The following DDX5 variants were observed in gnomAD, a reference collection of about 807,000 sequenced individuals.
DDX5 encodes DEAD-box helicase 5.
DDX5 carries 6 observed loss-of-function variants against 68.6 expected under a neutral mutation model. The ratio of observed to expected loss-of-function variants is 0.09; its 90% CI spans 0.05 to 0.17. The LOEUF (loss-of-function observed/expected upper bound fraction) is 0.17. DDX5 is among the 10% of genes least tolerant of loss of function. The probability of loss-of-function intolerance (pLI) is 1.00; values close to 1 mark genes in which losing one functional copy is unlikely to be tolerated. For missense variants in DDX5, 499 were observed against 756.1 expected (o/e 0.66, Z 3.99); for synonymous variants, 350 against 247.0 (o/e 1.42, Z -3.91).
rs782488375 is a variant in DDX5 at position 64,502,562 on chromosome 17, G to A, written c.984-13C>T. The A allele has an allele frequency of 1.3e-5, 20 of 1,573,358 alleles. No individual in the cohort carries two copies. Among genetic ancestry groups the A allele is most frequent in the Non-Finnish European group, 1.7e-5 (20 of 1,146,316 alleles). On this transcript the variant is annotated splice_polypyrimidine_tract_variant and intron_variant, in intron 8 of 12. Transcript: ENST00000225792. ...TAGACGAATAAGTCTAATAATAGGA[G>A]AGAGAAAGGAAAAATCCTGAGTTTT...
intron 1 of DDX5, chr17:64,505,871 A>G: frequency 6.5e-7 from 1 of 1,535,964 alleles, no homozygotes; most frequent in South Asian, 1.2e-5. Context: ...CCCACACAAA[A>G]AGCAAGCTTG....
intron 1 of DDX5, 187 bp downstream of exon 1, chr17:64,505,889 T>C (rs2144286269): frequency 6.5e-7 from 1 of 1,535,654 alleles, no homozygotes; most frequent in South Asian, 1.2e-5. Context: ...TTGAAGACAC[T>C]ACACCGTCAA....
chr17:64,505,775 G>A (rs924018094), intron 1 of DDX5: 2 of 1,536,152 alleles, frequency 1.3e-6, no homozygotes, highest in Non-Finnish European at 1.7e-6. Context: ...CTGCCTCGAA[G>A]CGTCCCGCTT....
chr17:64,499,280 A>C lies in DDX5; in HGVS notation c.*643T>G, dbSNP rs1555670447. 6.6e-6 allele frequency among the ~76,000 whole-genome samples: 1 copy of C among 152,176 alleles called. No individual in the cohort carries two copies. The highest frequency in any genetic ancestry group is 1.5e-5 in the Non-Finnish European group (1 of 68,032). ...CCCACGTTCTCACACTATATAGATGACTTTGTATCTATTTTACTATTTTCT... is the reference window on the plus strand; with the variant it reads ...CCCACGTTCTCACACTATATAGATGCCTTTGTATCTATTTTACTATTTTCT... On this transcript the variant is annotated 3_prime_UTR_variant, in exon 13 of 13. Coordinates refer to ENST00000225792, the MANE Select transcript of DDX5 (RefSeq NM_004396.5).
upstream of DDX5, chr17:64,506,858 A>AGAAT: frequency 1.6e-6 from 1 of 617,904 alleles, no homozygotes; most frequent in Non-Finnish European, 2.9e-6. Flanking sequence ...TGGTCGGCGG[A>AGAAT]GAATGGTCTC....
At position 64,500,456 on chromosome 17, in the gene DDX5, C is replaced by G. The variant is rs1000057115; in HGVS notation, c.1441+93G>C. 3 of 1,510,434 alleles carry G rather than the reference C, an allele frequency of 2.0e-6. No homozygotes were observed. In the Admixed American group the frequency reaches 6.0e-5, roughly 30 times the overall value. 93.6% of individuals were successfully genotyped at this position (1,510,434 alleles called of 1,614,324 possible). ...ATTTTTCAGCTTAAGTTTTCACATT[C>G]AAGGTTTTACTCACCCTCCAATACC... On this transcript the variant is annotated intron_variant, in intron 12 of 12. Coordinates refer to ENST00000225792, the MANE Select transcript of DDX5 (RefSeq NM_004396.5).
At chr17:64,506,768 C>T (rs1197050967), upstream of DDX5, 7 of 516,100 alleles carry the variant, frequency 1.4e-5, no homozygotes, top group East Asian at 3.5e-5. Flanking sequence ...AAGTGCGCTG[C>T]TCGCACCCCG....
intron 5 of DDX5, 113 bp from the exon 6 acceptor site, chr17:64,503,684 C>T: frequency 6.5e-7 from 1 of 1,527,744 alleles, no homozygotes; most frequent in Non-Finnish European, 8.9e-7. Flanking sequence ...AAAACAGCTC[C>T]AGCTGAATAG....
chr17:64,504,479 T>C, intron 2 of DDX5, 161 bp from the exon 3 acceptor site: 8 of 918,692 alleles, frequency 8.7e-6, no homozygotes, highest in Non-Finnish European at 1.1e-5. Context: ...AAAAAAAATT[T>C]ATTGTTATAC....
intron 11 of DDX5, chr17:64,501,720 G>A: frequency 2.2e-6 from 1 of 459,258 alleles, no homozygotes; most frequent in East Asian, 3.7e-5. Flanking sequence ...TTTTCCCTCG[G>A]AGAGAACAGT....
intron 1 of DDX5, 36 bp downstream of exon 1, chr17:64,506,040 A>AAACC: frequency 2.8e-6 from 1 of 353,542 alleles, no homozygotes; most frequent in Non-Finnish European, 4.4e-6. Context: ...CCATCCCCCC[A>AAACC]CCCGCCAGGC....
At chr17:64,505,978 G>A (rs965617211) in intron 1 of DDX5, 98 bp downstream of exon 1, 29 of 1,541,652 alleles carry the variant, frequency 1.9e-5, no homozygotes, top group South Asian at 1.1e-4. Flanking sequence ...AGCCCGGAAA[G>A]GCCAAGTCCA....
chr17:64,505,136 G>A (rs1250651809), intron 1 of DDX5: 1 of 327,488 alleles, frequency 3.1e-6, no homozygotes, highest in East Asian at 5.3e-5. Context: ...TTGGGATTCT[G>A]GCACACACCA....
rs2038503798 is a variant in DDX5 at position 64,506,095 on chromosome 17, C to G, written c.25G>C (p.Asp9His). The change falls in exon 1 of 13, where the codon GAC (aspartate) becomes CAC (histidine). Residue 9 changes from aspartate to histidine, a missense_variant. Physicochemically the swap from Asp to His is moderately conservative, Grantham distance 81. This residue lies in a region of DDX5 where 140 missense variants were observed against 135.7 expected (regional missense o/e 1.03). Coordinates refer to ENST00000225792, the MANE Select transcript of DDX5 (RefSeq NM_004396.5). The stretch of plus-strand genomic sequence containing the variant: ...ACTCACCCTCGGTCCCGGCCGCGGT[C>G]TCGGTCACTCGAATAACCCGACATG... MSGYSSDR[D>H]RGRDRGFGAP... is the part of the protein sequence containing the mutation. The G allele has an allele frequency of 1.3e-6, 2 of 1,498,198 alleles. No individual in the cohort carries two copies. Among genetic ancestry groups the G allele is most frequent in the South Asian group, 1.1e-5 (1 of 88,710 alleles). 92.8% of individuals were successfully genotyped at this position (1,498,198 alleles called of 1,614,324 possible).
At chr17:64,505,752 G>A (rs782616487) in intron 1 of DDX5, 4 of 1,536,052 alleles carry the variant, frequency 2.6e-6, no homozygotes, top group South Asian at 2.4e-5. Flanking sequence ...GCACCTAACA[G>A]ATGTTCCTTC....
upstream of DDX5, chr17:64,506,705 A>T: frequency 2.5e-6 from 1 of 396,892 alleles, no homozygotes; most frequent in Non-Finnish European, 4.6e-6. Context: ...AGCGGTCCGC[A>T]CTACTTTCCC....
At chr17:64,502,306 TCTTTA>T (rs1555671243) in intron 9 of DDX5, 83 bp from the exon 10 acceptor site, 2 of 1,508,706 alleles carry the variant, frequency 1.3e-6, no homozygotes, top group African/African-American at 1.4e-5. Flanking sequence ...GTCACAGATC[TCTTTA>T]ATTTCGCCAG....
rs373205244 is a variant in DDX5 at position 64,499,973 on chromosome 17, C to T, written c.1795G>A (p.Ala599Thr). Residue 599 changes from alanine to threonine, a missense_variant, in exon 13 of 13, where the codon GCA (alanine) becomes ACA (threonine). Ala to Thr is a moderately conservative substitution (Grantham distance 58). Around this residue, in one of 5 missense-constraint regions of DDX5, gnomAD observed 171 missense variants for 174.8 expected, o/e 0.98. Coordinates refer to ENST00000225792, the MANE Select transcript of DDX5 (RefSeq NM_004396.5). ...GGATAACCAATCATAGGTGCAGCTGCAGTAGCAGGATATGCATATGCCTGT... is the reference window on the plus strand; with the variant it reads ...GGATAACCAATCATAGGTGCAGCTGTAGTAGCAGGATATGCATATGCCTGT... Reference protein sequence around the residue: ...NQQAYAYPATAAAPMIGYPMP... With the variant: ...NQQAYAYPATTAAPMIGYPMP... 2 of 1,613,170 alleles carry T rather than the reference C, an allele frequency of 1.2e-6. No homozygotes were observed. The highest frequency in any genetic ancestry group is 1.7e-6 in the Non-Finnish European group (2 of 1,179,414).
At chr17:64,500,451 A>C (rs2038270153) in intron 12 of DDX5, 98 bp downstream of exon 12, 4 of 1,515,552 alleles carry the variant, frequency 2.6e-6, no homozygotes, top group Non-Finnish European at 2.7e-6. Context: ...TTAAGTTTTC[A>C]CATTCAAGGT....
Sources: gnomAD v4.1 joint callset for allele counts (sites outside exome capture counted in the v4.1 genomes callset) on GRCh38, gnomAD v4.1.1 for gene constraint, gnomAD v4.1.1 regional missense constraint, MANE v1.5 for transcripts, NCBI Gene and HGNC (gene_info 2026-07-23, HGNC 2026-07-21) for gene names.